The following FREM2 variants were observed in gnomAD, a reference collection of about 807,000 sequenced individuals.
The protein encoded by FREM2 is FRAS1 related extracellular matrix 2, also known as FRAS1-related extracellular matrix protein 2.
In FREM2, 119 loss-of-function variants were observed where a neutral mutation model predicts 219.9. That is an observed-to-expected ratio of 0.54 (90% CI 0.47 to 0.63). The LOEUF is 0.63. FREM2 is among the 30% of genes least tolerant of loss of function. FREM2 has a pLI of 0.00. For missense variants in FREM2, 4,030 were observed against 3,993.6 expected (o/e 1.01, Z -0.25); for synonymous variants, 1,562 against 1,522.8 (o/e 1.03, Z -0.60).
chr13:38,877,263 A>G lies in FREM2; in HGVS notation c.8671+20A>G, dbSNP rs1382264049. On this transcript the variant is annotated intron_variant, in intron 21 of 23. Transcript: ENST00000280481. Reference sequence around the variant, plus strand: ...CAGAAGGTATCACTTTACAAATGAGAGGGATGCTCTGTTTGTCATGTATAT... The same window carrying G: ...CAGAAGGTATCACTTTACAAATGAGGGGGATGCTCTGTTTGTCATGTATAT... The G allele has an allele frequency of 1.9e-6, 3 of 1,613,058 alleles. No individual in the cohort carries two copies. In the Admixed American group the frequency reaches 5.0e-5, roughly 27 times the overall value.
intron 15 of FREM2, among the ~76,000 whole-genome samples, chr13:38,863,358 A>C (rs991713008): frequency 1.3e-5 from 2 of 152,186 alleles, no homozygotes; most frequent in African/African-American, 4.8e-5. Context: ...CCAGTTTTCA[A>C]CATTTATGAT....
chr13:38,739,651 G>A (rs1872156187), intron 2 of FREM2, among the ~76,000 whole-genome samples: 2 of 151,924 alleles, frequency 1.3e-5, no homozygotes, highest in Admixed American at 1.3e-4. Context: ...TTTTTCACTG[G>A]CTCTTTCGTG....
rs1049679944 is a variant in FREM2, at chr13:38,840,171, C to T, written c.6020-6402C>T. Among the ~76,000 whole-genome samples the T allele has an allele frequency of 4.6e-5, 7 of 152,208 alleles. No homozygotes were observed. The East Asian group carries it at 5.9e-4, about 13-fold the overall frequency. On this transcript the variant is annotated intron_variant, in intron 6 of 23. Transcript: ENST00000280481. ...TTGGGCCAGAGTACACAGTTCCTCA[C>T]GGCACAGTCCCTCATGGCTTCCCTT...
At chr13:38,724,910 G>A (rs977037398) in intron 2 of FREM2, among the ~76,000 whole-genome samples, 1 of 152,184 alleles carries the variant, frequency 6.6e-6, no homozygotes, top group African/African-American at 2.4e-5. Context: ...CAGGAACCAG[G>A]AAGTTGTATG....
In FREM2 at chr13:38,692,369, G is replaced by A. The variant is rs1238951573; in HGVS notation, c.5025G>A (p.Leu1675=). 4 of 1,607,102 alleles carry A rather than the reference G, an allele frequency of 2.5e-6. No homozygotes were observed. Among genetic ancestry groups the A allele is most frequent in the Admixed American group, 3.4e-5 (2 of 59,418 alleles). The change falls in exon 1 of 24, where the codon TTG becomes TTA. Residue 1675 remains leucine, a synonymous_variant. Coordinates refer to ENST00000280481, the MANE Select transcript of FREM2 (RefSeq NM_207361.6). ...TTCGCACTCTAGCCACTGGCCACTT[G>A]GGGTTCATGATCACAAGCAAAATAT... ...STLRTLATGH[L]GFMITSKILK...
In FREM2 at chr13:38,688,422, A is replaced by C. The variant is rs535002043; in HGVS notation, c.1078A>C (p.Thr360Pro). ...CTCTGACCTGTTGATCTTCAACCTT[A>C]CTTCTCCATTCCAGCCTGGCCAGGG... The part of the protein sequence containing the change: ...SPSDLLIFNL[T>P]SPFQPGQGYL... The change falls in exon 1 of 24, where the codon ACT (threonine) becomes CCT (proline). Residue 360 changes from threonine (T) to proline (P), a missense_variant. Thr to Pro is a conservative substitution (Grantham distance 38). This residue lies in a region of FREM2 where 3,102 missense variants were observed against 2,950.7 expected (regional missense o/e 1.05). Transcript: ENST00000280481. The C allele has an allele frequency of 7.4e-6, 12 of 1,613,914 alleles. No homozygotes were observed. The African/African-American group carries it at 1.6e-4, about 22-fold the overall frequency.
In FREM2 at chr13:38,689,058, G is replaced by A; in HGVS notation, c.1714G>A (p.Ala572Thr). ...CAATGCCAACACGGGGCTGACACTG[G>A]CAGAGGGTGAAACAGTGCCCATCCT... The part of the protein sequence containing the change: ...VLNANTGLTL[A>T]EGETVPILPL... Residue 572 changes from alanine (A) to threonine (T), a missense_variant, in exon 1 of 24, where the codon GCA (alanine) becomes ACA (threonine). By Grantham distance (58) the Ala-to-Thr change is moderately conservative (BLOSUM62 0). Coordinates refer to ENST00000280481, the MANE Select transcript of FREM2 (RefSeq NM_207361.6). The A allele has an allele frequency of 6.2e-7, 1 of 1,613,774 alleles. No homozygotes were observed. Among genetic ancestry groups the A allele is most frequent in the South Asian group, 1.1e-5 (1 of 91,062 alleles).
At chr13:38,754,381 ATTAAG>A (rs764091303) in intron 2 of FREM2, among the ~76,000 whole-genome samples, 20 of 152,302 alleles carry the variant, frequency 1.3e-4, no homozygotes, top group Non-Finnish European at 2.2e-4. Flanking sequence ...TAATTTATAA[ATTAAG>A]TTAAGCAAAT....
At chr13:38,713,647 C>T (rs1350902933) in intron 2 of FREM2, among the ~76,000 whole-genome samples, 2 of 152,174 alleles carry the variant, frequency 1.3e-5, no homozygotes, top group African/African-American at 2.4e-5. Context: ...ACCTATGGTG[C>T]TTATTTCACA....
In FREM2 at chr13:38,846,383, C is replaced by T. The variant is rs9548501; in HGVS notation, c.6020-190C>T. 0.12 allele frequency among the ~76,000 whole-genome samples: 18,791 copies of T among 151,832 alleles called. 1,404 individuals are homozygous for T. Among genetic ancestry groups the T allele is most frequent in the Admixed American group, 0.21 (3,191 of 15,258 alleles). ...TTAGGCACTTTACTGTGTGTATGTT[C>T]GATTGTAAGGACTAATATTTTCACC... On this transcript the variant is annotated intron_variant, in intron 6 of 23. Coordinates refer to ENST00000280481, the MANE Select transcript of FREM2 (RefSeq NM_207361.6).
At chr13:38,766,250 A>G (rs1352477642) in intron 3 of FREM2, among the ~76,000 whole-genome samples, 1 of 152,036 alleles carries the variant, frequency 6.6e-6, no homozygotes, top group East Asian at 1.9e-4. Context: ...TGGATGCCAA[A>G]ATGTCAAACA....
chr13:38,813,376 A>G (rs111520497), intron 6 of FREM2, among the ~76,000 whole-genome samples: 1 of 150,734 alleles, frequency 6.6e-6, no homozygotes, highest in African/African-American at 2.4e-5. Context: ...CACTTTAAAT[A>G]TGTCATACCC....
chr13:38,744,181 C>T (rs1436484669), intron 2 of FREM2, among the ~76,000 whole-genome samples: 2 of 142,874 alleles, frequency 1.4e-5, no homozygotes, highest in Admixed American at 7.0e-5. Context: ...GTTGTTATTA[C>T]TCTACAGATT....
At position 38,859,469 on chromosome 13, in the gene FREM2, A is replaced by G. The variant is rs9532292; in HGVS notation, c.7398A>G (p.Thr2466=). The stretch of plus-strand genomic sequence containing the variant: ...TTTTTACGTCATCCAAGATGGTCAC[A>G]CTGGACTCCATATACTTTCAGCCTG... ...DTFFTSSKMV[T]LDSIYFQPGS... The change falls in exon 14 of 24, where the codon ACA becomes ACG. Residue 2466 remains threonine (T), a synonymous_variant. Coordinates refer to ENST00000280481, the MANE Select transcript of FREM2 (RefSeq NM_207361.6). 552,485 of 1,613,642 alleles carry G rather than the reference A, an allele frequency of 0.34. 98,682 individuals carry two copies. The highest frequency in any genetic ancestry group is 0.56 in the African/African-American group (41,573 of 74,854).
intron 6 of FREM2, among the ~76,000 whole-genome samples, chr13:38,791,446 C>T (rs547089602): frequency 6.6e-6 from 1 of 152,288 alleles, no homozygotes; most frequent in South Asian, 2.1e-4. Flanking sequence ...TTAGTCAGTT[C>T]TCACGCTGCT....
intron 12 of FREM2, among the ~76,000 whole-genome samples, chr13:38,857,174 A>G (rs9548512): frequency 0.26 from 39,656 of 152,040 alleles, 6,910 homozygotes; most frequent in African/African-American, 0.48. Context: ...ATAGTCACTC[A>G]AATTACTTCC....
intron 2 of FREM2, among the ~76,000 whole-genome samples, chr13:38,714,743 G>A (rs955114042): frequency 7.9e-5 from 12 of 152,044 alleles, no homozygotes; most frequent in African/African-American, 2.9e-4. Context: ...TGTTGTACAT[G>A]ATGTATTTAT....
In FREM2 at chr13:38,864,347, T is replaced by C; in HGVS notation, c.7724T>C (p.Val2575Ala). 1 of 1,614,102 alleles carries C rather than the reference T, an allele frequency of 6.2e-7. No individual in the cohort carries two copies. Among genetic ancestry groups the C allele is most frequent in the Non-Finnish European group, 8.5e-7 (1 of 1,180,004 alleles). The change falls in exon 16 of 24, where the codon GTT (valine) becomes GCT (alanine). Residue 2575 changes from valine to alanine, a missense_variant. By Grantham distance (64) the Val-to-Ala change is moderately conservative (BLOSUM62 0). This residue lies in a region of FREM2 where 928 missense variants were observed against 1,042.9 expected (regional missense o/e 0.89). Coordinates refer to ENST00000280481, the MANE Select transcript of FREM2 (RefSeq NM_207361.6). ...ACCCTCAGCCCTGATGGCACAAGAG[T>C]TGGAAACCACAAGTGCTCCAACCTC... ...ELTLSPDGTR[V>A]GNHKCSNLLD...
chr13:38,770,053 G>A (rs1384494564), intron 4 of FREM2, among the ~76,000 whole-genome samples: 2 of 147,634 alleles, frequency 1.4e-5, no homozygotes, highest in African/African-American at 4.9e-5. Flanking sequence ...TATATAAATT[G>A]TATTAATAGA....
Sources: allele counts gnomAD v4.1 joint callset (sites outside exome capture counted in the v4.1 genomes callset), GRCh38; gene constraint gnomAD v4.1.1; regional missense constraint gnomAD v4.1.1; transcripts MANE v1.5; gene names NCBI Gene and HGNC (gene_info 2026-07-23, HGNC 2026-07-21).